COL21A1: variants seen among roughly 807,000 people sequenced by gnomAD.
The protein encoded by COL21A1 is collagen type XXI alpha 1 chain.
In COL21A1, 149 loss-of-function variants were observed where a neutral mutation model predicts 137.9. The observed-to-expected ratio is 1.08, with a 90% CI of 0.95 to 1.24. The LOEUF is 1.24. Ranked by LOEUF, COL21A1 falls within the 50% of genes most tolerant of loss-of-function variation. COL21A1 has a pLI of 0.00. For synonymous variants in COL21A1, 456 were observed against 391.5 expected (o/e 1.16, Z -1.95); for missense variants, 1,167 against 1,158.4 (o/e 1.01, Z -0.11).
intron 17 of COL21A1, among the ~76,000 whole-genome samples, chr6:56,085,115 T>C (rs189587654): frequency 3.9e-5 from 6 of 152,170 alleles, no homozygotes; most frequent in Admixed American, 6.6e-5. Flanking sequence ...CCCACAGTCA[T>C]AGAACTTTTC....
Position 56,057,485 on chromosome 6 carries a change from C to G in COL21A1, c.*172G>C. ...CCAAGGGCTCCAAATGACTGAGGAG[C>G]CTTTAAAATCAGTATATGTGATCTT... On this transcript the variant is annotated 3_prime_UTR_variant, in exon 30 of 30. Coordinates refer to ENST00000244728, the MANE Select transcript of COL21A1 (RefSeq NM_030820.4). 1.6e-6 allele frequency: 1 copy of G among 633,808 alleles called. No individual in the cohort carries two copies. The highest frequency in any genetic ancestry group is 1.8e-5 in the South Asian group (1 of 55,668). The allele number at this position is 633,808 out of a possible 1,614,324, so 39.3% of individuals were successfully genotyped here.
chr6:56,213,417 C>G (rs1780302300), intron 1 of COL21A1, among the ~76,000 whole-genome samples: 1 of 152,014 alleles, frequency 6.6e-6, no homozygotes, highest in Non-Finnish European at 1.5e-5. Flanking sequence ...ACTTGTCTCT[C>G]CAACTAGCAA....
chr6:56,367,968 C>T (rs1440537185), intron 1 of COL21A1, among the ~76,000 whole-genome samples: 1 of 152,176 alleles, frequency 6.6e-6, no homozygotes, highest in African/African-American at 2.4e-5. Context: ...CCCACCTTGG[C>T]CTCCCAAAGT....
Position 56,067,301 on chromosome 6 carries a change from AC to A in COL21A1, c.2120del (p.Gly707ValfsTer53). The A allele has an allele frequency of 6.2e-7, 1 of 1,608,734 alleles. No individual in the cohort carries two copies. On this transcript the variant is annotated frameshift_variant, in exon 23 of 30. Coordinates refer to ENST00000244728, the MANE Select transcript of COL21A1 (RefSeq NM_030820.4). LOFTEE classifies it high-confidence loss of function. The stretch of plus-strand genomic sequence containing the variant: ...AAAAAAGCAAACAACATACCTGAAT[AC>A]CTTTTTCACCTTGATTTCCTTTGTC... ...KGDKGNQGEK[G>X]IQGQKGENGR...
At chr6:56,374,720 C>CAAAAAAAAAAAAAAAAAAAAAAAAAAA (rs34067784) in intron 1 of COL21A1, among the ~76,000 whole-genome samples, 1 of 86,396 alleles carries the variant, frequency 1.2e-5, no homozygotes, top group Non-Finnish European at 2.3e-5. Flanking sequence ...GACTTCGTCT[C>CAAAAAAAAAAAAAAAAAAAAAAAAAAA]AAAAAAAAAA....
chr6:56,300,769 A>C (rs1040444832), intron 1 of COL21A1, among the ~76,000 whole-genome samples: 1 of 152,148 alleles, frequency 6.6e-6, no homozygotes, highest in Non-Finnish European at 1.5e-5. Context: ...TCAATTGGTG[A>C]TTGATAAATA....
At chr6:56,147,049 T>C (rs180872676) in intron 10 of COL21A1, among the ~76,000 whole-genome samples, 1 of 152,276 alleles carries the variant, frequency 6.6e-6, no homozygotes, top group East Asian at 1.9e-4. Flanking sequence ...TAAACTTTGG[T>C]AAACTGCCTT....
At chr6:56,129,267 AG>A (rs1291414625) in intron 12 of COL21A1, among the ~76,000 whole-genome samples, 4 of 151,878 alleles carry the variant, frequency 2.6e-5, no homozygotes, top group Non-Finnish European at 5.9e-5. Context: ...TACTGGCAAA[AG>A]GGGGGCCTCT....
At chr6:56,169,771 CTT>C (rs568170271) in intron 5 of COL21A1, among the ~76,000 whole-genome samples, 65 of 152,106 alleles carry the variant, frequency 4.3e-4, no homozygotes, top group Non-Finnish European at 7.4e-4. Flanking sequence ...TCCACTAACA[CTT>C]TGTACTTCTA....
intron 1 of COL21A1, among the ~76,000 whole-genome samples, chr6:56,381,107 C>G (rs993370811): frequency 6.6e-6 from 1 of 151,994 alleles, no homozygotes; most frequent in Non-Finnish European, 1.5e-5. Flanking sequence ...ATGTTATGTT[C>G]TATAAATGAT....
At chr6:56,082,486 C>T (rs771498438) in intron 17 of COL21A1, among the ~76,000 whole-genome samples, 1 of 151,860 alleles carries the variant, frequency 6.6e-6, no homozygotes, top group Non-Finnish European at 1.5e-5. Flanking sequence ...TTTTGGGGTA[C>T]ATTTTTTGTT....
intron 3 of COL21A1, among the ~76,000 whole-genome samples, chr6:56,174,866 C>T (rs961470610): frequency 6.6e-6 from 1 of 151,974 alleles, no homozygotes; most frequent in Non-Finnish European, 1.5e-5. Flanking sequence ...AATAAAACTA[C>T]AAGCCAATAT....
chr6:56,303,840 C>T (rs1161229329), intron 1 of COL21A1, among the ~76,000 whole-genome samples: 1 of 152,108 alleles, frequency 6.6e-6, no homozygotes, highest in Non-Finnish European at 1.5e-5. Flanking sequence ...CCAGTTTTTG[C>T]CCATTCAGTA....
chr6:56,258,554 C>A (rs1274175721), intron 1 of COL21A1, among the ~76,000 whole-genome samples: 2 of 152,084 alleles, frequency 1.3e-5, no homozygotes, highest in East Asian at 1.9e-4. Flanking sequence ...GATAAAGATG[C>A]TGTCTGCTCT....
intron 1 of COL21A1, among the ~76,000 whole-genome samples, chr6:56,324,742 C>T (rs1764959368): frequency 6.6e-6 from 1 of 152,012 alleles, no homozygotes; most frequent in Non-Finnish European, 1.5e-5. Context: ...GGGTTCAAAA[C>T]ATACTACCCA....
At chr6:56,169,178 A>C (rs1160644140) in intron 5 of COL21A1, among the ~76,000 whole-genome samples, 4 of 151,940 alleles carry the variant, frequency 2.6e-5, no homozygotes, top group Non-Finnish European at 5.9e-5. Context: ...ATTTAGGCTC[A>C]TGGAACTCTT....
intron 1 of COL21A1, among the ~76,000 whole-genome samples, chr6:56,229,945 C>A (rs570421808): frequency 6.6e-6 from 1 of 151,944 alleles, no homozygotes; most frequent in East Asian, 1.9e-4. Context: ...ATGCAAATCA[C>A]GATCCATTGG....
intron 1 of COL21A1, among the ~76,000 whole-genome samples, chr6:56,201,568 TC>T (rs1779409869): frequency 6.6e-6 from 1 of 152,194 alleles, no homozygotes; most frequent in Non-Finnish European, 1.5e-5. Context: ...GGGAATCCTT[TC>T]CCCATTTCTT....
chr6:56,320,890 C>T (rs143465374), intron 1 of COL21A1, among the ~76,000 whole-genome samples: 1 of 152,142 alleles, frequency 6.6e-6, no homozygotes. Flanking sequence ...CCAATATGTA[C>T]TCATTAAAAT....
Sources: allele counts gnomAD v4.1 joint callset (sites outside exome capture counted in the v4.1 genomes callset), GRCh38; gene constraint gnomAD v4.1.1; transcripts MANE v1.5; gene names NCBI Gene and HGNC (gene_info 2026-07-23, HGNC 2026-07-21).